Variants in ARID4A observed in about 807,000 individuals in gnomAD.
The protein encoded by ARID4A is AT-rich interaction domain 4A.
In ARID4A, 39 loss-of-function variants were observed where a neutral mutation model predicts 148.6. The observed-to-expected ratio is 0.26, with a 90% CI of 0.20 to 0.34. The LOEUF (loss-of-function observed/expected upper bound fraction) is 0.34, where lower values mean the gene tolerates loss of function less well. ARID4A is among the 10% of genes least tolerant of loss of function. The probability of loss-of-function intolerance (pLI) is 1.00; values close to 1 mark genes in which losing one functional copy is unlikely to be tolerated. For missense variants in ARID4A, 1,265 were observed against 1,449.1 expected, an observed-to-expected ratio of 0.87 and a Z score of 2.06; for synonymous variants, 475 against 481.2, an observed-to-expected ratio of 0.99 and a Z score of 0.17.
chr14:58,367,395 G>C (rs1420464027), intron 23 of ARID4A, among the ~76,000 whole-genome samples: 1 of 152,252 alleles, frequency 6.6e-6, no homozygotes. Context: ...TTCTCAAGGA[G>C]ATTATCTTGT....
At chr14:58,320,418 A>G (rs2032794983) in intron 7 of ARID4A, among the ~76,000 whole-genome samples, 1 of 152,164 alleles carries the variant, frequency 6.6e-6, no homozygotes, top group South Asian at 2.1e-4. Context: ...GACTACTATC[A>G]TAATATATGG....
At chr14:58,371,025 C>A (rs1304985401) in intron 23 of ARID4A, among the ~76,000 whole-genome samples, 4 of 152,066 alleles carry the variant, frequency 2.6e-5, no homozygotes, top group Non-Finnish European at 4.4e-5. Context: ...GCATGGGGCT[C>A]ACGCTTATAA....
intron 1 of ARID4A, chr14:58,299,481 C>T (rs2030926719): frequency 5.0e-6 from 1 of 200,592 alleles, no homozygotes; most frequent in Non-Finnish European, 1.0e-5. Flanking sequence ...CTGGGGAAGC[C>T]CGAAGGGAGC....
At chr14:58,324,425 G>A (rs1409285512) in intron 8 of ARID4A, among the ~76,000 whole-genome samples, 3 of 152,026 alleles carry the variant, frequency 2.0e-5, no homozygotes, top group African/African-American at 4.8e-5. Context: ...ACAGGAGTGT[G>A]CCTCCACACC....
chr14:58,358,419 A>G (rs749689060), intron 17 of ARID4A, among the ~76,000 whole-genome samples: 8 of 152,170 alleles, frequency 5.3e-5, no homozygotes, highest in Non-Finnish European at 7.3e-5. Context: ...TTGAGCCGAG[A>G]TGGCACCACT....
At chr14:58,318,853 C>A (rs374667666) in intron 7 of ARID4A, 48 bp downstream of exon 7, 1 of 1,469,460 alleles carries the variant, frequency 6.8e-7, no homozygotes. Context: ...TTATTATAAC[C>A]TTAAACAAGG....
chr14:58,340,564 G>C (rs1031578014), intron 11 of ARID4A, among the ~76,000 whole-genome samples: 1 of 152,186 alleles, frequency 6.6e-6, no homozygotes, highest in African/African-American at 2.4e-5. Context: ...TGCCCAGGCT[G>C]GTCTTGAACT....
chr14:58,351,123 A>G lies in ARID4A; in HGVS notation c.1455A>G (p.Glu485=), dbSNP rs1334580388. 1.2e-6 allele frequency: 2 copies of G among 1,604,986 alleles called. No individual in the cohort carries two copies. The highest frequency in any genetic ancestry group is 1.7e-6 in the Non-Finnish European group (2 of 1,177,916). The part of the protein sequence containing the change: ...RDVNSIKKEI[E]EEKTEDKLKD... Reference sequence around the variant, plus strand: ...TAAATTCTATTAAAAAGGAAATTGAAGAAGAGAAAACAGAAGACAAATTAA... The same window carrying G: ...TAAATTCTATTAAAAAGGAAATTGAGGAAGAGAAAACAGAAGACAAATTAA... The change falls in exon 16 of 24, where the codon GAA becomes GAG. Residue 485 remains glutamate, a synonymous_variant. Transcript: ENST00000355431.
intron 16 of ARID4A, among the ~76,000 whole-genome samples, chr14:58,351,838 C>G (rs1174751023): frequency 6.6e-6 from 1 of 152,178 alleles, no homozygotes; most frequent in Non-Finnish European, 1.5e-5. Flanking sequence ...CACATCACAC[C>G]AATAAATTTC....
intron 9 of ARID4A, among the ~76,000 whole-genome samples, chr14:58,328,559 A>G (rs2140187741): frequency 6.6e-6 from 1 of 152,174 alleles, no homozygotes; most frequent in African/African-American, 2.4e-5. Context: ...TTAGCAAAAG[A>G]TGGTATTGAT....
At position 58,331,995 on chromosome 14, in the gene ARID4A, A is replaced by ACC. The variant is rs58313316; in HGVS notation, c.906+1838_906+1839dup. ...GTCCGTTCCAGAATGCATTTTCCCTACCCCCCCCCCCCCAAAAAACCCTGA... is the reference window on the plus strand; with the variant it reads ...GTCCGTTCCAGAATGCATTTTCCCTACCCCCCCCCCCCCCCAAAAAACCCTGA... On this transcript the variant is annotated intron_variant, in intron 11 of 23. Coordinates refer to ENST00000355431, the MANE Select transcript of ARID4A (RefSeq NM_002892.4). Among the ~76,000 whole-genome samples the ACC allele has an allele frequency of 6.0e-3, 507 of 85,182 alleles. 31 individuals are homozygous for ACC. The highest frequency in any genetic ancestry group is 0.019 in the East Asian group (45 of 2,350). 55.9% of individuals were successfully genotyped at this position (85,182 alleles called of 152,430 possible).
chr14:58,350,658 C>A (rs2034595994), intron 15 of ARID4A, among the ~76,000 whole-genome samples: 1 of 152,028 alleles, frequency 6.6e-6, no homozygotes, highest in African/African-American at 2.4e-5. Context: ...TTTAAAGAAG[C>A]AAAATTCAGG....
intron 11 of ARID4A, chr14:58,331,416 A>G (rs914830078): frequency 6.6e-6 from 1 of 152,238 alleles, no homozygotes; most frequent in Non-Finnish European, 1.5e-5. Context: ...TAAGAGGGAA[A>G]GCAAATATTT....
chr14:58,323,698 T>C, intron 8 of ARID4A, 81 bp downstream of exon 8: 1 of 1,336,004 alleles, frequency 7.5e-7, no homozygotes, highest in East Asian at 2.3e-5. Flanking sequence ...ATTTAAAATA[T>C]TTTGAAAGTA....
At chr14:58,369,714 G>A (rs1002983013) in intron 23 of ARID4A, among the ~76,000 whole-genome samples, 13 of 151,704 alleles carry the variant, frequency 8.6e-5, no homozygotes, top group East Asian at 1.9e-4. Context: ...TCTTACATCC[G>A]ATTTCTCAAT....
chr14:58,324,831 C>A (rs951761140), intron 8 of ARID4A, among the ~76,000 whole-genome samples: 28 of 152,290 alleles, frequency 1.8e-4, no homozygotes, highest in African/African-American at 6.5e-4. Context: ...TACTGAGGAT[C>A]TGCAGTGAGT....
intron 1 of ARID4A, among the ~76,000 whole-genome samples, chr14:58,298,915 C>G (rs953961766): frequency 1.3e-5 from 2 of 152,188 alleles, no homozygotes; most frequent in Non-Finnish European, 2.9e-5. Context: ...CCTCCTCGTC[C>G]GCTTCCTCGG....
intron 11 of ARID4A, among the ~76,000 whole-genome samples, chr14:58,342,734 G>A (rs1200887890): frequency 3.3e-5 from 5 of 152,112 alleles, no homozygotes; most frequent in African/African-American, 7.2e-5. Flanking sequence ...CCAATGTGGC[G>A]AAACCCAGTC....
At chr14:58,353,082 TAG>T in intron 16 of ARID4A, among the ~76,000 whole-genome samples, 1 of 152,174 alleles carries the variant, frequency 6.6e-6, no homozygotes, top group Middle Eastern at 3.2e-3. Flanking sequence ...GTTACTAAGG[TAG>T]ATAGCCCTTG....
Sources: gnomAD v4.1 joint callset for allele counts (sites outside exome capture counted in the v4.1 genomes callset) on GRCh38, gnomAD v4.1.1 for gene constraint, MANE v1.5 for transcripts, NCBI Gene and HGNC (gene_info 2026-07-23, HGNC 2026-07-21) for gene names.